SORCS3: variants seen among roughly 807,000 people sequenced by gnomAD.
SORCS3 encodes VPS10 domain-containing receptor SorCS3.
A neutral mutation model predicts 146.3 loss-of-function variants in SORCS3; 57 were observed. That is an observed-to-expected ratio of 0.39 (90% CI 0.31 to 0.49). The LOEUF is 0.49. Among genes scored for constraint, SORCS3 ranks in the 20% least tolerant of loss-of-function variants. The probability of loss-of-function intolerance (pLI) is 0.92; values close to 1 mark genes in which losing one functional copy is unlikely to be tolerated. For missense variants in SORCS3, 1,341 were observed against 1,575.5 expected, an observed-to-expected ratio of 0.85 and a Z score of 2.52; for synonymous variants, 653 against 618.5, an observed-to-expected ratio of 1.06 and a Z score of -0.83.
chr10:104,900,081 G>A (rs1216083336), intron 2 of SORCS3, among the ~76,000 whole-genome samples: 2 of 152,004 alleles, frequency 1.3e-5, no homozygotes, highest in Non-Finnish European at 2.9e-5. Context: ...CTCCCATTAG[G>A]TTTTGCCTCA....
chr10:105,244,792 G>A (rs1172231087), intron 20 of SORCS3, among the ~76,000 whole-genome samples: 1 of 152,062 alleles, frequency 6.6e-6, no homozygotes, highest in African/African-American at 2.4e-5. Context: ...TGTGCGGCCG[G>A]GCGCAGTGGT....
In SORCS3 at chr10:105,214,542, G is replaced by A. The variant is rs775672790; in HGVS notation, c.2476G>A (p.Val826Met). 6.2e-7 allele frequency: 1 copy of A among 1,613,102 alleles called. No individual in the cohort carries two copies. Among genetic ancestry groups the A allele is most frequent in the Non-Finnish European group, 8.5e-7 (1 of 1,179,642 alleles). ...TGGAAAAGCCCCTCGGGGCCTCCAT[G>A]TGGTGACGACCGATGGGCGGCTGGT... is the stretch of plus-strand genomic sequence containing the variant. ...CPGKAPRGLH[V>M]VTTDGRLVAE... Residue 826 changes from valine to methionine, a missense_variant, in exon 18 of 27, where the codon GTG becomes ATG. Transcript: ENST00000369701.
chr10:104,721,202 C>T (rs1204246677), intron 1 of SORCS3, among the ~76,000 whole-genome samples: 1 of 152,166 alleles, frequency 6.6e-6, no homozygotes, highest in Admixed American at 6.5e-5. Context: ...TATGGCTAGC[C>T]AGTTTTCCCA....
intron 7 of SORCS3, among the ~76,000 whole-genome samples, chr10:105,117,690 A>G (rs1489428083): frequency 6.6e-6 from 1 of 152,230 alleles, no homozygotes; most frequent in African/African-American, 2.4e-5. Flanking sequence ...TTTTTTGAGC[A>G]CTAGCTGTAT....
chr10:104,815,386 T>C (rs2017784899), intron 1 of SORCS3, among the ~76,000 whole-genome samples: 1 of 122,694 alleles, frequency 8.2e-6, no homozygotes, highest in Non-Finnish European at 1.6e-5. Flanking sequence ...GAGACGAAGG[T>C]GGCAGTGAGC....
intron 4 of SORCS3, among the ~76,000 whole-genome samples, chr10:105,014,090 T>C (rs940516306): frequency 8.8e-5 from 12 of 136,992 alleles, no homozygotes; most frequent in African/African-American, 2.7e-4. Context: ...TATACACACA[T>C]ATATATACAT....
intron 1 of SORCS3, among the ~76,000 whole-genome samples, chr10:104,646,108 C>A (rs2015492580): frequency 6.6e-6 from 1 of 152,188 alleles, no homozygotes. Flanking sequence ...GTACTAATTG[C>A]TCCTGGTCAT....
At position 105,222,358 on chromosome 10, in the gene SORCS3, G is replaced by A. The variant is rs189270336; in HGVS notation, c.2735-758G>A. 1.8e-4 allele frequency among the ~76,000 whole-genome samples: 28 copies of A among 152,030 alleles called. No homozygotes were observed. The East Asian group carries it at 5.0e-3, about 27-fold the overall frequency. ...CAGGTGTGAGCCACCGCGCCCGGCC[G>A]CATTAACACTGTTTCATCAGCTTTG... On this transcript the variant is annotated intron_variant, in intron 19 of 26. Transcript: ENST00000369701.
chr10:104,965,583 A>G (rs1001947764), intron 3 of SORCS3, among the ~76,000 whole-genome samples: 3 of 152,000 alleles, frequency 2.0e-5, no homozygotes, highest in Admixed American at 6.6e-5. Flanking sequence ...AACACTTGTT[A>G]TTTTCTGATT....
At chr10:105,178,770 C>A (rs1209815624) in intron 14 of SORCS3, among the ~76,000 whole-genome samples, 2 of 152,148 alleles carry the variant, frequency 1.3e-5, no homozygotes, top group Non-Finnish European at 2.9e-5. Context: ...TAACCGTAAT[C>A]CTCCACCAAC....
In SORCS3 at chr10:104,807,243, A is replaced by G. The variant is rs146260568; in HGVS notation, c.628-35549A>G. Among the ~76,000 whole-genome samples, 675 of 152,176 alleles carry G rather than the reference A, an allele frequency of 4.4e-3. 3 individuals are homozygous for G. Among genetic ancestry groups the G allele is most frequent in the African/African-American group, 0.015 (630 of 41,550 alleles). On this transcript the variant is annotated intron_variant, in intron 1 of 26. Coordinates refer to ENST00000369701, the MANE Select transcript of SORCS3 (RefSeq NM_014978.3). Reference sequence around the variant, plus strand: ...TGTGCATGCATGCGTGCGCATGCACATGCATTTTGTACAAAAACATACCAC... The same window carrying G: ...TGTGCATGCATGCGTGCGCATGCACGTGCATTTTGTACAAAAACATACCAC...
chr10:104,678,103 G>A (rs918489061), intron 1 of SORCS3, among the ~76,000 whole-genome samples: 5 of 152,038 alleles, frequency 3.3e-5, no homozygotes, highest in African/African-American at 1.2e-4. Context: ...ACAATTGTGA[G>A]GTTGCCGAAG....
chr10:105,049,116 T>A (rs1008251389), intron 5 of SORCS3, among the ~76,000 whole-genome samples: 1 of 152,092 alleles, frequency 6.6e-6, no homozygotes, highest in African/African-American at 2.4e-5. Context: ...CTTGACTGCA[T>A]TTTTTTGCAG....
chr10:105,005,355 C>A (rs956644147), intron 4 of SORCS3, among the ~76,000 whole-genome samples: 7 of 152,072 alleles, frequency 4.6e-5, no homozygotes, highest in African/African-American at 1.7e-4. Context: ...AAATTATGTT[C>A]ATTACAGACA....
rs150308496 is a variant in SORCS3, at chr10:104,962,060, A to G, written c.796-15275A>G. ...TTATAAATTTCAAATATATTTAAAC[A>G]TAAAATCGCAGTTCAATGTGATTAT... On this transcript the variant is annotated intron_variant, in intron 3 of 26. Coordinates refer to ENST00000369701, the MANE Select transcript of SORCS3 (RefSeq NM_014978.3). Among the ~76,000 whole-genome samples, 21 of 152,268 alleles carry G rather than the reference A, an allele frequency of 1.4e-4. No homozygotes were observed. The East Asian group carries it at 3.9e-3, about 28-fold the overall frequency.
chr10:105,140,862 T>G (rs2056090542), intron 8 of SORCS3, among the ~76,000 whole-genome samples: 1 of 152,136 alleles, frequency 6.6e-6, no homozygotes, highest in African/African-American at 2.4e-5. Context: ...GACCATTGTA[T>G]AGTATGGTGT....
At chr10:105,039,382 A>T (rs1445929352) in intron 4 of SORCS3, among the ~76,000 whole-genome samples, 1 of 151,846 alleles carries the variant, frequency 6.6e-6, no homozygotes, top group Non-Finnish European at 1.5e-5. Context: ...AAAAAGCAAA[A>T]CCAGAGATAG....
At chr10:104,808,562 T>C (rs1220671527) in intron 1 of SORCS3, among the ~76,000 whole-genome samples, 1 of 151,782 alleles carries the variant, frequency 6.6e-6, no homozygotes, top group African/African-American at 2.4e-5. Context: ...GGGAAAAACA[T>C]GTGTGAAGGC....
chr10:105,022,480 T>C (rs999636506), intron 4 of SORCS3, among the ~76,000 whole-genome samples: 1 of 151,864 alleles, frequency 6.6e-6, no homozygotes, highest in Non-Finnish European at 1.5e-5. Flanking sequence ...TGTATTTTTT[T>C]TTGGTAGAGA....
Sources: allele counts gnomAD v4.1 joint callset (sites outside exome capture counted in the v4.1 genomes callset), GRCh38; gene constraint gnomAD v4.1.1; transcripts MANE v1.5; gene names NCBI Gene and HGNC (gene_info 2026-07-23, HGNC 2026-07-21).